The following TPO variants were observed in gnomAD, a reference collection of about 807,000 sequenced individuals.
The protein encoded by TPO is thyroid peroxidase.
In TPO, 78 loss-of-function variants were observed where a neutral mutation model predicts 96.9. The ratio of observed to expected loss-of-function variants is 0.81; its 90% confidence interval spans 0.67 to 0.97. The LOEUF is 0.97. Ranked by LOEUF, TPO falls within the 50% of genes least tolerant of loss-of-function variation. The probability of loss-of-function intolerance (pLI) is 0.00; values close to 1 mark genes in which losing one functional copy is unlikely to be tolerated. For synonymous variants in TPO, 547 were observed against 538.0 expected (o/e 1.02, Z -0.23); for missense variants, 1,252 against 1,274.8 (o/e 0.98, Z 0.27).
chr2:1,466,296 AT>A (rs1391528491), intron 7 of TPO, among the ~76,000 whole-genome samples: 8 of 152,202 alleles, frequency 5.3e-5, no homozygotes, highest in Admixed American at 4.6e-4. Context: ...GTTAGCTAGT[AT>A]TTTGTTAAGG....
chr2:1,387,695 C>G (rs113587133), intron 1 of TPO, among the ~76,000 whole-genome samples: 1 of 152,220 alleles, frequency 6.6e-6, no homozygotes, highest in African/African-American at 2.4e-5. Flanking sequence ...TTATCTGAAG[C>G]TTTCTTCTCT....
At chr2:1,505,139 C>T (rs986791876) in intron 14 of TPO, among the ~76,000 whole-genome samples, 9 of 152,174 alleles carry the variant, frequency 5.9e-5, no homozygotes, top group Non-Finnish European at 1.3e-4. Context: ...ATGGCCAGGA[C>T]GCGGCTGCCC....
intron 8 of TPO, among the ~76,000 whole-genome samples, chr2:1,480,853 C>CTGCTGCTGCGTCTGTCCT (rs1202698254): frequency 3.5e-5 from 4 of 115,728 alleles, no homozygotes; most frequent in Admixed American, 9.9e-5. Context: ...CTCACCATAC[C>CTGCTGCTGCGTCTGTCCT]CACTCTAATT....
In TPO at chr2:1,493,809, T is replaced by G; in HGVS notation, c.1776T>G (p.Asn592Lys). ...AGCCTCTCCCCTGTGCAGGTTACAA[T>G]GAGTGGAGGGAGTTCTGCGGCCTGC... ...RGRDHGLPGYNEWREFCGLPR... is the reference protein window; with the variant it reads ...RGRDHGLPGYKEWREFCGLPR... Residue 592 changes from asparagine (N) to lysine (K), a missense_variant, in exon 11 of 17, where the codon AAT becomes AAG. Transcript: ENST00000329066. 6.2e-7 allele frequency: 1 copy of G among 1,614,142 alleles called. No homozygotes were observed. Among genetic ancestry groups the G allele is most frequent in the Non-Finnish European group, 8.5e-7 (1 of 1,179,996 alleles).
At chr2:1,494,133 C>A in intron 11 of TPO, 94 bp downstream of exon 11, 2 of 1,235,822 alleles carry the variant, frequency 1.6e-6, no homozygotes, top group Non-Finnish European at 2.4e-6. Flanking sequence ...CATTCACATT[C>A]CGGCTCCACC....
upstream of TPO, among the ~76,000 whole-genome samples, chr2:1,411,365 G>A (rs560079633): frequency 2.6e-5 from 4 of 152,100 alleles, no homozygotes; most frequent in South Asian, 2.1e-4. Context: ...GTGCCGGCTC[G>A]GCCTCCCCCA....
chr2:1,375,688 G>A (rs1466838908), intron 1 of TPO, among the ~76,000 whole-genome samples: 8 of 152,144 alleles, frequency 5.3e-5, no homozygotes, highest in Non-Finnish European at 7.3e-5. Context: ...CTGTGGCATC[G>A]TGAGTTTGGG....
rs541352243 is a variant in TPO at position 1,438,406 on chromosome 2, C to T, written c.482+2022C>T. 5.3e-5 allele frequency among the ~76,000 whole-genome samples: 8 copies of T among 152,286 alleles called. No homozygotes were observed. In the South Asian group the frequency reaches 1.5e-3, roughly 28 times the overall value. ...CTCTCCGTGGCCCGAAGCACTTTCACCAGAGGGGTCCGTGATGGAGCTCCT... is the reference window on the plus strand; with the variant it reads ...CTCTCCGTGGCCCGAAGCACTTTCATCAGAGGGGTCCGTGATGGAGCTCCT... On this transcript the variant is annotated intron_variant, in intron 5 of 16. Transcript: ENST00000329066.
chr2:1,530,254 T>C (rs1016203231), intron 15 of TPO, among the ~76,000 whole-genome samples: 2 of 45,798 alleles, frequency 4.4e-5, no homozygotes, highest in Non-Finnish European at 7.9e-5. Flanking sequence ...CCCCCAAAAA[T>C]CCCCCCACTG....
At chr2:1,430,718 A>G (rs1664893352) in intron 3 of TPO, among the ~76,000 whole-genome samples, 2 of 152,248 alleles carry the variant, frequency 1.3e-5, no homozygotes, top group Non-Finnish European at 1.5e-5. Flanking sequence ...ACCAGGGTAC[A>G]GGACACGGAG....
At chr2:1,506,020 A>G (rs1673419030) in intron 14 of TPO, among the ~76,000 whole-genome samples, 1 of 150,504 alleles carries the variant, frequency 6.6e-6, no homozygotes, top group Non-Finnish European at 1.5e-5. Context: ...ATATCTCCTA[A>G]TGCTATCCTT....
intron 15 of TPO, among the ~76,000 whole-genome samples, chr2:1,524,917 C>G (rs1294850618): frequency 1.5e-5 from 2 of 137,578 alleles, no homozygotes; most frequent in Non-Finnish European, 3.2e-5. Flanking sequence ...TCAAATCTCC[C>G]CCGCTGTGTG....
intron 2 of TPO, 128 bp downstream of exon 2, chr2:1,414,630 T>A: frequency 1.3e-6 from 1 of 771,500 alleles, no homozygotes. Context: ...TTGTTATGCT[T>A]AAGAAAAAAA....
At chr2:1,464,474 G>A (rs189332900) in intron 7 of TPO, among the ~76,000 whole-genome samples, 10 of 152,260 alleles carry the variant, frequency 6.6e-5, no homozygotes, top group Admixed American at 5.2e-4. Context: ...GAATCTCCAC[G>A]GTGTTTTTCC....
intron 5 of TPO, among the ~76,000 whole-genome samples, chr2:1,442,639 A>T (rs1043325747): frequency 2.0e-5 from 3 of 152,204 alleles, no homozygotes; most frequent in Non-Finnish European, 4.4e-5. Context: ...AATGGAAAGG[A>T]CATTGTATTT....
intron 1 of TPO, 47 bp from the exon 2 acceptor site, chr2:1,414,361 C>G: frequency 6.4e-7 from 1 of 1,571,128 alleles, no homozygotes; most frequent in East Asian, 2.3e-5. Flanking sequence ...TTCCCATGGC[C>G]TTGTCAGTGC....
chr2:1,382,357 C>T (rs565246129), intron 1 of TPO, among the ~76,000 whole-genome samples: 2 of 152,138 alleles, frequency 1.3e-5, no homozygotes, highest in Admixed American at 1.3e-4. Flanking sequence ...GAAGGGTCAG[C>T]ATCTTCAACA....
At chr2:1,442,122 T>C (rs1464674985) in intron 5 of TPO, among the ~76,000 whole-genome samples, 2 of 152,216 alleles carry the variant, frequency 1.3e-5, no homozygotes, top group Non-Finnish European at 2.9e-5. Flanking sequence ...TCCACCATGA[T>C]TGTGAGGCCT....
At chr2:1,389,205 C>T (rs1661958210) in intron 1 of TPO, among the ~76,000 whole-genome samples, 1 of 152,048 alleles carries the variant, frequency 6.6e-6, no homozygotes, top group Non-Finnish European at 1.5e-5. Context: ...AGTGGTGCCA[C>T]AGGGAAGGGT....
Sources: allele counts gnomAD v4.1 joint callset (sites outside exome capture counted in the v4.1 genomes callset), GRCh38; gene constraint gnomAD v4.1.1; transcripts MANE v1.5; gene names NCBI Gene and HGNC (gene_info 2026-07-23, HGNC 2026-07-21).